CDH12: variants seen among roughly 807,000 people sequenced by gnomAD.
CDH12 encodes cadherin-12.
CDH12 carries 41 observed loss-of-function variants against 74.1 expected under a neutral mutation model. That is an observed-to-expected ratio of 0.55 (90% confidence interval 0.43 to 0.72). The LOEUF (loss-of-function observed/expected upper bound fraction) is 0.72. Among genes scored for constraint, CDH12 ranks in the 30% least tolerant of loss-of-function variants. CDH12 has a pLI of 0.00. For missense variants in CDH12, 945 were observed against 977.2 expected, an observed-to-expected ratio of 0.97 and a Z score of 0.44; for synonymous variants, 399 against 355.0, an observed-to-expected ratio of 1.12 and a Z score of -1.39.
chr5:22,702,184 T>A (rs1370644924), intron 1 of CDH12, among the ~76,000 whole-genome samples: 1 of 152,112 alleles, frequency 6.6e-6, no homozygotes, highest in African/African-American at 2.4e-5. Flanking sequence ...TAACTACTCA[T>A]TGTGTATTGA....
chr5:22,607,621 A>C (rs1561524785), intron 1 of CDH12, among the ~76,000 whole-genome samples: 1 of 152,222 alleles, frequency 6.6e-6, no homozygotes, highest in African/African-American at 2.4e-5. Flanking sequence ...ATTCTGGAAG[A>C]TACAATTCAA....
intron 2 of CDH12, among the ~76,000 whole-genome samples, chr5:22,491,619 A>AAC (rs1254759362): frequency 5.2e-4 from 17 of 32,464 alleles, no homozygotes; most frequent in African/African-American, 2.2e-3. Context: ...GCAAAAAAAA[A>AAC]AACAAAAAAA....
intron 3 of CDH12, among the ~76,000 whole-genome samples, chr5:22,300,009 G>T (rs2150419040): frequency 6.6e-6 from 1 of 152,252 alleles, no homozygotes; most frequent in African/African-American, 2.4e-5. Context: ...TAGATTGAGA[G>T]GTTATAATTT....
At chr5:22,244,780 GAAAGAAAGAA>G (rs1191996781) in intron 3 of CDH12, among the ~76,000 whole-genome samples, 11 of 124,128 alleles carry the variant, frequency 8.9e-5, no homozygotes, top group Non-Finnish European at 1.6e-4. Context: ...AAGAAAGAAA[GAAAGAAAGAA>G]AGAAAGAAAG....
intron 1 of CDH12, among the ~76,000 whole-genome samples, chr5:22,753,102 C>A (rs905914557): frequency 6.6e-6 from 1 of 151,964 alleles, no homozygotes; most frequent in Non-Finnish European, 1.5e-5. Context: ...AAGAGCGAGG[C>A]ATGTTAAGAC....
intron 6 of CDH12, among the ~76,000 whole-genome samples, chr5:21,908,821 T>G (rs1277108343): frequency 3.9e-5 from 6 of 152,202 alleles, no homozygotes; most frequent in African/African-American, 1.4e-4. Flanking sequence ...TTCAGACTTT[T>G]GGAATCAGAT....
chr5:22,332,180 T>C (rs1203037545), intron 3 of CDH12, among the ~76,000 whole-genome samples: 1 of 152,118 alleles, frequency 6.6e-6, no homozygotes. Flanking sequence ...ACCCAGCAGA[T>C]GTACCCTAAA....
intron 4 of CDH12, among the ~76,000 whole-genome samples, chr5:22,142,107 C>T (rs1020475636): frequency 2.0e-5 from 3 of 152,122 alleles, no homozygotes; most frequent in African/African-American, 7.2e-5. Flanking sequence ...GGTTAAGGCA[C>T]AAGATGATTT....
intron 6 of CDH12, among the ~76,000 whole-genome samples, chr5:21,868,316 G>C (rs6452014): frequency 6.6e-6 from 1 of 151,964 alleles, no homozygotes; most frequent in Non-Finnish European, 1.5e-5. Flanking sequence ...AAAACAGACC[G>C]ATACACCATG....
intron 2 of CDH12, among the ~76,000 whole-genome samples, chr5:22,488,704 C>T (rs1746711810): frequency 6.6e-6 from 1 of 152,126 alleles, no homozygotes; most frequent in Non-Finnish European, 1.5e-5. Context: ...CACCTATTTC[C>T]AAGAGCCACT....
chr5:21,907,123 T>A (rs945186790), intron 6 of CDH12, among the ~76,000 whole-genome samples: 1 of 152,152 alleles, frequency 6.6e-6, no homozygotes, highest in Non-Finnish European at 1.5e-5. Flanking sequence ...TCATATAAAC[T>A]CCAGCAACAT....
At chr5:22,291,737 T>C (rs746467431) in intron 3 of CDH12, among the ~76,000 whole-genome samples, 16 of 152,154 alleles carry the variant, frequency 1.1e-4, no homozygotes, top group Non-Finnish European at 1.6e-4. Context: ...CTTGTGTTCA[T>C]GGATTGGATT....
intron 2 of CDH12, among the ~76,000 whole-genome samples, chr5:22,466,775 T>C (rs1173990369): frequency 9.4e-6 from 1 of 106,174 alleles, no homozygotes; most frequent in African/African-American, 3.6e-5. Flanking sequence ...TCCTCAGGAA[T>C]CTTTTTTTTT....
At chr5:22,019,953 G>C (rs926893605) in intron 5 of CDH12, among the ~76,000 whole-genome samples, 8 of 152,076 alleles carry the variant, frequency 5.3e-5, no homozygotes, top group Non-Finnish European at 1.0e-4. Context: ...AGTGGCTTTA[G>C]TCCAATGGCA....
chr5:22,075,483 C>T (rs1306040261), intron 5 of CDH12, among the ~76,000 whole-genome samples: 1 of 151,922 alleles, frequency 6.6e-6, no homozygotes, highest in Non-Finnish European at 1.5e-5. Context: ...TTTATGATGA[C>T]CCACTTCCAC....
chr5:22,141,544 G>C (rs1274341615), intron 4 of CDH12: 3 of 152,126 alleles, frequency 2.0e-5, no homozygotes, highest in Admixed American at 2.0e-4. Flanking sequence ...GTATTCTAAA[G>C]CCAGGCTGGC....
intron 1 of CDH12, among the ~76,000 whole-genome samples, chr5:22,821,985 T>C (rs1287095862): frequency 2.6e-5 from 4 of 152,074 alleles, no homozygotes; most frequent in African/African-American, 4.8e-5. Flanking sequence ...CAAACTATAC[T>C]ACAAGGCTAC....
chr5:22,278,839 G>C (rs1280709361), intron 3 of CDH12, among the ~76,000 whole-genome samples: 2 of 152,038 alleles, frequency 1.3e-5, no homozygotes, highest in African/African-American at 4.8e-5. Context: ...ATTTTTTAAA[G>C]AGACCAAAAT....
chr5:21,963,178 T>A (rs1756440507), intron 6 of CDH12, among the ~76,000 whole-genome samples: 1 of 152,124 alleles, frequency 6.6e-6, no homozygotes, highest in Non-Finnish European at 1.5e-5. Flanking sequence ...AGGGGGTATA[T>A]GTGCAGGTTT....
Sources: allele counts gnomAD v4.1 joint callset (sites outside exome capture counted in the v4.1 genomes callset), GRCh38; gene constraint gnomAD v4.1.1; transcripts MANE v1.5; gene names NCBI Gene and HGNC (gene_info 2026-07-23, HGNC 2026-07-21).